MYO5C: variants seen among roughly 807,000 people sequenced by gnomAD.
MYO5C encodes the protein unconventional myosin-Vc.
In MYO5C, 194 loss-of-function variants were observed where a neutral mutation model predicts 235.7. The ratio of observed to expected loss-of-function variants is 0.82; its 90% CI spans 0.73 to 0.93. MYO5C has a LOEUF of 0.93. Ranked by LOEUF, MYO5C falls within the 40% of genes least tolerant of loss-of-function variation. MYO5C has a pLI of 0.00. For synonymous variants in MYO5C, 707 were observed against 754.8 expected (o/e 0.94, Z 1.04); for missense variants, 2,038 against 2,127.2 (o/e 0.96, Z 0.82).
chr15:52,228,713 C>T lies in MYO5C; in HGVS notation c.3207+420G>A, dbSNP rs550682518. Reference sequence around the variant, plus strand: ...GCTCTTATTAACTACATTCACCACACTGTGCATTGGATAATTGTTTTAGTA... The same window carrying T: ...GCTCTTATTAACTACATTCACCACATTGTGCATTGGATAATTGTTTTAGTA... On this transcript the variant is annotated intron_variant, in intron 25 of 40. Transcript: ENST00000261839. 2.2e-3 allele frequency among the ~76,000 whole-genome samples: 328 copies of T among 152,302 alleles called. 2 individuals are homozygous for T. Among genetic ancestry groups the T allele is most frequent in the African/African-American group, 7.3e-3 (304 of 41,558 alleles).
Position 52,265,544 on chromosome 15 carries a change from T to G in MYO5C, c.941-1248A>C, listed in dbSNP as rs912442892. Among the ~76,000 whole-genome samples the G allele has an allele frequency of 5.0e-4, 41 of 81,400 alleles. 1 individual carries two copies. In the East Asian group the frequency reaches 0.13, roughly 260 times the overall value. 53.4% of individuals were successfully genotyped at this position (81,400 alleles called of 152,430 possible). ...CAATTTCAAAACCTACAGTTTTTTG[T>G]TTTTTTTTTTTTGAGACAAGGTCTC... On this transcript the variant is annotated intron_variant, in intron 8 of 40. Transcript: ENST00000261839.
chr15:52,241,210 T>A (rs1181118202), intron 20 of MYO5C, among the ~76,000 whole-genome samples: 1 of 151,584 alleles, frequency 6.6e-6, no homozygotes, highest in Non-Finnish European at 1.5e-5. Context: ...CATCTGGCTG[T>A]GAGAGCTCTC....
rs754847353 is a variant in MYO5C at position 52,269,735 on chromosome 15, T to A, written c.940+18A>T. On this transcript the variant is annotated intron_variant, in intron 8 of 40. Coordinates refer to ENST00000261839, the MANE Select transcript of MYO5C (RefSeq NM_018728.4). ...AAGAGAAAATGGCTACATACTTGGA[T>A]GGGATATTTTCCCTTACCCAGAAGC... is the stretch of plus-strand genomic sequence containing the variant. The A allele has an allele frequency of 6.5e-7, 1 of 1,529,078 alleles. No individual in the cohort carries two copies. The highest frequency in any genetic ancestry group is 9.0e-7 in the Non-Finnish European group (1 of 1,108,060). The allele number at this position is 1,529,078 out of a possible 1,614,324, so 94.7% of individuals were successfully genotyped here.
Position 52,232,684 on chromosome 15 carries a change from T to G in MYO5C, c.2964A>C (p.Glu988Asp). 6.2e-7 allele frequency: 1 copy of G among 1,613,912 alleles called. No homozygotes were observed. The highest frequency in any genetic ancestry group is 8.5e-7 in the Non-Finnish European group (1 of 1,179,916). Residue 988 changes from glutamate (E) to aspartate (D), a missense_variant and splice_region_variant, in exon 24 of 41, where the codon GAA becomes GAC. Physicochemically the swap from Glu to Asp is conservative, Grantham distance 45 (BLOSUM62 2). Coordinates refer to ENST00000261839, the MANE Select transcript of MYO5C (RefSeq NM_018728.4). ...KLQEKTEELKEKMDNLTKQLF... is the reference protein window; with the variant it reads ...KLQEKTEELKDKMDNLTKQLF... ...GCTGCTTGGTGAGGTTGTCCATTTTTTCTGTAAAAAGAGAATGCTTTTTGA... is the reference window on the plus strand; with the variant it reads ...GCTGCTTGGTGAGGTTGTCCATTTTGTCTGTAAAAAGAGAATGCTTTTTGA...
chr15:52,251,651 T>G, intron 12 of MYO5C, 136 bp from the exon 13 acceptor site: 1 of 224,814 alleles, frequency 4.4e-6, no homozygotes, highest in Non-Finnish European at 7.5e-6. Context: ...TTTTATTTAT[T>G]TATTTATTTA....
chr15:52,248,274 G>C lies in MYO5C; in HGVS notation c.1746+426C>G, dbSNP rs562737841. Among the ~76,000 whole-genome samples the C allele has an allele frequency of 3.3e-5, 5 of 152,140 alleles. No individual in the cohort carries two copies. In the East Asian group the frequency reaches 9.7e-4, roughly 29 times the overall value. ...CTTCCCCACCTCAGCCTCCCAAGTA[G>C]CTGGGACTACAGGCATGTCACCATT... On this transcript the variant is annotated intron_variant, in intron 14 of 40. Coordinates refer to ENST00000261839, the MANE Select transcript of MYO5C (RefSeq NM_018728.4).
rs535090305 is a variant in MYO5C, at chr15:52,238,424, A to C, written c.2704-778T>G. Among the ~76,000 whole-genome samples the C allele has an allele frequency of 1.6e-3, 242 of 152,312 alleles. 1 individual carries two copies. The highest frequency in any genetic ancestry group is 5.5e-3 in the African/African-American group (227 of 41,568). On this transcript the variant is annotated intron_variant, in intron 21 of 40. Coordinates refer to ENST00000261839, the MANE Select transcript of MYO5C (RefSeq NM_018728.4). ...TGTTACACAACAGCACAATGAGGGA[A>C]ACCCCACCAGACACCAAGTCTATTT...
intron 8 of MYO5C, among the ~76,000 whole-genome samples, chr15:52,267,835 G>C (rs1264142999): frequency 6.6e-6 from 1 of 152,106 alleles, no homozygotes; most frequent in Non-Finnish European, 1.5e-5. Context: ...GGAGAGAGTA[G>C]AAGGATCAGG....
At chr15:52,227,617 T>TACAGACC (rs1454414694) in intron 25 of MYO5C, among the ~76,000 whole-genome samples, 3 of 152,266 alleles carry the variant, frequency 2.0e-5, no homozygotes, top group Admixed American at 2.0e-4. Flanking sequence ...ACATTTAAGA[T>TACAGACC]ACAGACCTCA....
chr15:52,197,356 C>T (rs1292438297), intron 38 of MYO5C, among the ~76,000 whole-genome samples: 1 of 152,180 alleles, frequency 6.6e-6, no homozygotes, highest in Non-Finnish European at 1.5e-5. Flanking sequence ...ACCTCCCAAA[C>T]ATTACGTAAG....
chr15:52,253,877 G>C lies in MYO5C; in HGVS notation c.1396-420C>G, dbSNP rs538380575. Among the ~76,000 whole-genome samples, 7 of 152,288 alleles carry C rather than the reference G, an allele frequency of 4.6e-5. No homozygotes were observed. In the East Asian group the frequency reaches 1.4e-3, roughly 29 times the overall value. On this transcript the variant is annotated intron_variant, in intron 11 of 40. Transcript: ENST00000261839. ...CGGTGGGAGAAGCCCACTGCTTAGA[G>C]ATCTTCGTGCACTACTCACTTGGGC...
Position 52,232,235 on chromosome 15 carries a change from A to G in MYO5C, c.3026+387T>C, listed in dbSNP as rs375059276. Reference sequence around the variant, plus strand: ...AAGAAAGAAAATGAAAGAAAGAAGAAAGAAAGAAGGAAGGAGAGAAGGAAG... The same window carrying G: ...AAGAAAGAAAATGAAAGAAAGAAGAGAGAAAGAAGGAAGGAGAGAAGGAAG... On this transcript the variant is annotated intron_variant, in intron 24 of 40. Coordinates refer to ENST00000261839, the MANE Select transcript of MYO5C (RefSeq NM_018728.4). Among the ~76,000 whole-genome samples the G allele has an allele frequency of 2.6e-4, 4 of 15,146 alleles. 1 individual carries two copies. The highest frequency in any genetic ancestry group is 7.0e-4 in the Non-Finnish European group (2 of 2,872). 9.9% of individuals were successfully genotyped at this position (15,146 alleles called of 152,430 possible).
intron 34 of MYO5C, 137 bp from the exon 35 acceptor site, chr15:52,212,021 T>A: frequency 1.3e-6 from 1 of 784,218 alleles, no homozygotes; most frequent in Non-Finnish European, 1.9e-6. Flanking sequence ...TTATTTCCTC[T>A]TTGAGGAATT....
chr15:52,251,534 C>A lies in MYO5C; in HGVS notation c.1537-19G>T. 6.3e-7 allele frequency: 1 copy of A among 1,577,434 alleles called. No individual in the cohort carries two copies. ...GTGGTAACTGGAAAAGAAAAATAAACCAAATAGCAAGTAAGAAAACCAGAG... is the reference window on the plus strand; with the variant it reads ...GTGGTAACTGGAAAAGAAAAATAAAACAAATAGCAAGTAAGAAAACCAGAG... On this transcript the variant is annotated intron_variant, in intron 12 of 40. Transcript: ENST00000261839.
chr15:52,267,966 G>A (rs554863179), intron 8 of MYO5C, among the ~76,000 whole-genome samples: 5 of 152,060 alleles, frequency 3.3e-5, no homozygotes, highest in South Asian at 4.1e-4. Flanking sequence ...TTGAAATGAC[G>A]ACCATAATTA....
rs1307903572 is a variant in MYO5C, at chr15:52,248,656, G to A, written c.1746+44C>T. 2.3e-6 allele frequency: 3 copies of A among 1,324,446 alleles called. No individual in the cohort carries two copies. In the African/African-American group the frequency reaches 4.4e-5, roughly 19 times the overall value. 82.0% of individuals were successfully genotyped at this position (1,324,446 alleles called of 1,614,324 possible). A position where few individuals can be genotyped will look rare whatever the true frequency, so the allele number is the denominator to read the frequency against. On this transcript the variant is annotated intron_variant, in intron 14 of 40. Coordinates refer to ENST00000261839, the MANE Select transcript of MYO5C (RefSeq NM_018728.4). ...TTTCCTTATATACATCTAGATCCAT[G>A]TCAATTATATAATAACTTTAGTTAC...
intron 8 of MYO5C, among the ~76,000 whole-genome samples, chr15:52,265,536 G>GTTT (rs1450130591): frequency 6.5e-5 from 9 of 139,230 alleles, no homozygotes; most frequent in African/African-American, 2.2e-4. Context: ...AAAACCTACA[G>GTTT]TTTTTTGTTT....
intron 29 of MYO5C, among the ~76,000 whole-genome samples, chr15:52,221,482 C>T (rs1027689112): frequency 2.6e-5 from 4 of 152,024 alleles, no homozygotes; most frequent in African/African-American, 4.8e-5. Context: ...CACACAGCTA[C>T]GACAGGGAGA....
chr15:52,206,788 G>C (rs2035325729), intron 36 of MYO5C, among the ~76,000 whole-genome samples: 1 of 152,144 alleles, frequency 6.6e-6, no homozygotes, highest in African/African-American at 2.4e-5. Context: ...TGAACTAATG[G>C]AATATGTTTA....
Sources: gnomAD v4.1 joint callset for allele counts (sites outside exome capture counted in the v4.1 genomes callset) on GRCh38, gnomAD v4.1.1 for gene constraint, MANE v1.5 for transcripts, NCBI Gene and HGNC (gene_info 2026-07-23, HGNC 2026-07-21) for gene names.